Variants in CCNE2 observed in about 807,000 individuals in gnomAD.
The protein encoded by CCNE2 is G1/S-specific cyclin-E2.
A neutral mutation model predicts 56.8 loss-of-function variants in CCNE2; 18 were observed. The observed-to-expected ratio is 0.32, with a 90% CI of 0.22 to 0.47. The LOEUF (loss-of-function observed/expected upper bound fraction) is 0.47. Ranked by LOEUF, CCNE2 falls within the 20% of genes least tolerant of loss-of-function variation. CCNE2 has a pLI of 1.00. For synonymous variants in CCNE2, 139 were observed against 149.2 expected (o/e 0.93, Z 0.50); for missense variants, 371 against 467.1 (o/e 0.79, Z 1.90).
At chr8:94,892,152 TTCTCAAGAGCAA>T (rs1383627613) in intron 5 of CCNE2, 1 of 528,178 alleles carries the variant, frequency 1.9e-6, no homozygotes, top group African/African-American at 1.9e-5. Context: ...AAAAAATGTT[TTCTCAAGAGCAA>T]TACAAAAAAG....
chr8:94,890,405 T>C lies in CCNE2; in HGVS notation c.453+10A>G, dbSNP rs1177625314. On this transcript the variant is annotated intron_variant, in intron 6 of 11. Transcript: ENST00000308108. Reference sequence around the variant, plus strand: ...CAGAGACAAAGGAAATTTGTATTGCTGTAACATACCTCTAAAAGCCAGTCT... The same window carrying C: ...CAGAGACAAAGGAAATTTGTATTGCCGTAACATACCTCTAAAAGCCAGTCT... The C allele has an allele frequency of 6.4e-7, 1 of 1,559,684 alleles. No homozygotes were observed. The highest frequency in any genetic ancestry group is 8.7e-7 in the Non-Finnish European group (1 of 1,155,342).
chr8:94,895,271 G>C (rs1384891022), upstream of CCNE2: 7 of 984,826 alleles, frequency 7.1e-6, no homozygotes, highest in Non-Finnish European at 8.4e-6. Context: ...GCCTCAGACT[G>C]ACACCTCCGG....
At chr8:94,883,257 A>C (rs1449108418) in intron 9 of CCNE2, among the ~76,000 whole-genome samples, 1 of 151,668 alleles carries the variant, frequency 6.6e-6, no homozygotes, top group African/African-American at 2.4e-5. Flanking sequence ...GCCTGGGCGA[A>C]AGAGCGAGAC....
intron 1 of CCNE2, chr8:94,894,455 T>C: frequency 1.8e-6 from 1 of 565,844 alleles, no homozygotes; most frequent in South Asian, 2.3e-5. Flanking sequence ...AATGTACAGC[T>C]GGAACGCGAG....
chr8:94,894,690 T>C (rs1424511785), intron 1 of CCNE2: 1 of 155,806 alleles, frequency 6.4e-6, no homozygotes, highest in Non-Finnish European at 1.4e-5. Flanking sequence ...AGAGCGGCGG[T>C]GGCGGGGAAG....
At chr8:94,895,762 G>A (rs1461319374), upstream of CCNE2, 1 of 152,518 alleles carries the variant, frequency 6.6e-6, no homozygotes, top group Non-Finnish European at 1.5e-5. Flanking sequence ...GGAGGCACGG[G>A]CGGCAGCACA....
intron 5 of CCNE2, chr8:94,891,778 TG>T: frequency 1.4e-6 from 2 of 1,420,832 alleles, no homozygotes; most frequent in Non-Finnish European, 9.8e-7. Flanking sequence ...GGCCAAGCAG[TG>T]GGACTGGACA....
upstream of CCNE2, chr8:94,896,337 CGCCCGAGCGCTGTTGGGAGGAGGGGG>C (rs1427625004): frequency 6.6e-6 from 1 of 150,384 alleles, no homozygotes; most frequent in Non-Finnish European, 1.5e-5. Context: ...GCGCCGTTCG[CGCCCGAGCGCTGTTGGGAGGAGGGGG>C]GCCCGACGCT....
chr8:94,895,682 G>A (rs1246765878), upstream of CCNE2: 1 of 152,202 alleles, frequency 6.6e-6, no homozygotes, highest in African/African-American at 2.4e-5. Flanking sequence ...GGTCTTTCCT[G>A]AGCGACGCGG....
intron 6 of CCNE2, among the ~76,000 whole-genome samples, chr8:94,889,705 C>T (rs1028561367): frequency 3.9e-5 from 6 of 152,140 alleles, no homozygotes; most frequent in African/African-American, 1.4e-4. Context: ...TAAAGACAGA[C>T]TACAGAGCAA....
chr8:94,887,540 T>G (rs1360726204), intron 7 of CCNE2, among the ~76,000 whole-genome samples: 1 of 152,138 alleles, frequency 6.6e-6, no homozygotes, highest in Non-Finnish European at 1.5e-5. Flanking sequence ...TAAACCATTA[T>G]TCTAACCCAA....
At chr8:94,883,863 T>C (rs1337330727) in intron 9 of CCNE2, 2 of 455,922 alleles carry the variant, frequency 4.4e-6, no homozygotes, top group Non-Finnish European at 8.8e-6. Flanking sequence ...TGCAGTGGAA[T>C]TAAACTTCAA....
chr8:94,884,670 A>T (rs925899624), intron 9 of CCNE2: 1 of 155,012 alleles, frequency 6.5e-6, no homozygotes, highest in Non-Finnish European at 1.4e-5. Flanking sequence ...TGTTCTAAAA[A>T]ATTTTTTTAA....
chr8:94,883,519 AAAAT>A (rs556198034), intron 9 of CCNE2, among the ~76,000 whole-genome samples: 219 of 152,334 alleles, frequency 1.4e-3, no homozygotes, highest in African/African-American at 4.9e-3. Flanking sequence ...CCTAAGGTGA[AAAAT>A]AAATAAGGAG....
In CCNE2 at chr8:94,880,529, A is replaced by C. The variant is rs1159457525; in HGVS notation, c.*1103T>G. 1 of 299,324 alleles carries C rather than the reference A, an allele frequency of 3.3e-6. No homozygotes were observed. Among genetic ancestry groups the C allele is most frequent in the Admixed American group, 5.0e-5 (1 of 20,178 alleles). The allele number at this position is 299,324 out of a possible 1,614,324, so 18.5% of individuals were successfully genotyped here. ...CTGGATTTTTTTTTTAGAAAAGCTA[A>C]TTTAAAATATTTAGAAATAGCTAGC... On this transcript the variant is annotated 3_prime_UTR_variant, in exon 12 of 12. Transcript: ENST00000308108.
intron 7 of CCNE2, among the ~76,000 whole-genome samples, chr8:94,886,907 GA>G (rs759002020): frequency 7.2e-5 from 11 of 152,170 alleles, no homozygotes; most frequent in Non-Finnish European, 1.2e-4. Flanking sequence ...TTTCAGTCTA[GA>G]AAGTTGTCTA....
At chr8:94,890,294 C>A in intron 6 of CCNE2, 121 bp downstream of exon 6, 1 of 841,224 alleles carries the variant, frequency 1.2e-6, no homozygotes, top group East Asian at 3.1e-5. Flanking sequence ...GTAAGTACCT[C>A]AAAAAAGACA....
At chr8:94,896,423 C>T (rs1586568353), upstream of CCNE2, 1 of 152,196 alleles carries the variant, frequency 6.6e-6, no homozygotes, top group Admixed American at 6.5e-5. Context: ...CCTTCGCTGC[C>T]TCTATGAATG....
At chr8:94,881,796 A>C in intron 11 of CCNE2, 51 bp from the exon 12 acceptor site, 1 of 1,608,368 alleles carries the variant, frequency 6.2e-7, no homozygotes. Flanking sequence ...AAGTCAAACC[A>C]GACTTCTGGG....
Sources: allele counts gnomAD v4.1 joint callset (sites outside exome capture counted in the v4.1 genomes callset), GRCh38; gene constraint gnomAD v4.1.1; transcripts MANE v1.5; gene names NCBI Gene and HGNC (gene_info 2026-07-23, HGNC 2026-07-21).